Variants in JRKL observed in about 807,000 individuals in gnomAD.
The protein encoded by JRKL is jerky protein homolog-like.
A neutral mutation model predicts 34.7 loss-of-function variants in JRKL; 25 were observed. The observed-to-expected ratio is 0.72, with a 90% CI of 0.53 to 1.01. JRKL has a LOEUF of 1.01. Among genes scored for constraint, JRKL ranks in the 50% least tolerant of loss-of-function variants. The probability of loss-of-function intolerance (pLI) is 0.00; values close to 1 mark genes in which losing one functional copy is unlikely to be tolerated. For synonymous variants in JRKL, 204 were observed against 212.8 expected (o/e 0.96, Z 0.36); for missense variants, 495 against 615.7 (o/e 0.80, Z 2.07).
Position 96,392,241 on chromosome 11 carries a change from T to C in JRKL, c.*17T>C, listed in dbSNP as rs1244644338. The C allele has an allele frequency of 1.3e-6, 2 of 1,544,066 alleles. No individual in the cohort carries two copies. Among genetic ancestry groups the C allele is most frequent in the African/African-American group, 2.8e-5 (2 of 71,892 alleles). On this transcript the variant is annotated 3_prime_UTR_variant, in exon 2 of 2. Coordinates refer to ENST00000332349, the MANE Select transcript of JRKL (RefSeq NM_001261833.2). ...AGTCAATAATGTCATTTCAATTTTA[T>C]TGTTCTGCTCATTGTGTTTGTGACA...
Position 96,392,068 on chromosome 11 carries a change from G to A in JRKL, c.1419G>A (p.Glu473=), listed in dbSNP as rs753799377. Residue 473 remains glutamate (E), a synonymous_variant, in exon 2 of 2, where the codon GAG becomes GAA. Transcript: ENST00000332349. ...AGGAGGAAATAGAACTAATTCCAGA[G>A]AAACATATTAATCATGCAGCTGCCC... is the stretch of plus-strand genomic sequence containing the variant. The part of the protein sequence containing the change: ...NEEEEIELIP[E]KHINHAAALQ... 6.2e-6 allele frequency: 10 copies of A among 1,613,850 alleles called. No homozygotes were observed. The South Asian group carries it at 7.7e-5, about 12-fold the overall frequency.
chr11:96,391,990 C>T lies in JRKL; in HGVS notation c.1341C>T (p.Ser447=), dbSNP rs536090789. 2.0e-5 allele frequency: 33 copies of T among 1,613,832 alleles called. No homozygotes were observed. Among genetic ancestry groups the T allele is most frequent in the Middle Eastern group, 3.3e-4 (2 of 6,060 alleles). Residue 447 remains serine, a synonymous_variant, in exon 2 of 2, where the codon AGC becomes AGT. Transcript: ENST00000332349. ...CAGGCTATGAAGTGTTAACTGATAG[C>T]GAAATCATCAGAAGAGCACAAGGCC... ...TEPGYEVLTD[S]EIIRRAQGQA...
chr11:96,391,748 T>C lies in JRKL; in HGVS notation c.1099T>C (p.Tyr367His). ...GAAGCTAACTCTGTTGGATGCACTT[T>C]ATGAAATAGCAATGGCATGGAACTT... ...WKKLTLLDAL[Y>H]EIAMAWNLVK... The change falls in exon 2 of 2, where the codon TAT becomes CAT. Residue 367 changes from tyrosine (Y) to histidine (H), a missense_variant. Tyr to His is a moderately conservative substitution (Grantham distance 83). Coordinates refer to ENST00000332349, the MANE Select transcript of JRKL (RefSeq NM_001261833.2). 2.5e-6 allele frequency: 4 copies of C among 1,614,180 alleles called. No homozygotes were observed. Among genetic ancestry groups the C allele is most frequent in the East Asian group, 2.2e-5 (1 of 44,880 alleles).
chr11:96,392,214 C>G lies in JRKL; in HGVS notation c.1565C>G (p.Ser522Ter), dbSNP rs142973402. 8.3e-6 allele frequency: 13 copies of G among 1,574,736 alleles called. No homozygotes were observed. In the African/African-American group the frequency reaches 1.6e-4, roughly 20 times the overall value. Residue 522 changes from serine (S) to a stop codon, truncating the protein, a stop_gained, in exon 2 of 2, where the codon TCA becomes TGA. Coordinates refer to ENST00000332349, the MANE Select transcript of JRKL (RefSeq NM_001261833.2). LOFTEE classifies it high-confidence loss of function. ...AGAAATAAACAGAAGATGACAAAGTCAAGTCAATAATGTCATTTCAATTTT... is the reference window on the plus strand; with the variant it reads ...AGAAATAAACAGAAGATGACAAAGTGAAGTCAATAATGTCATTTCAATTTT... ...TIRNKQKMTK[S>*]SQ
Position 96,391,907 on chromosome 11 carries a change from T to C in JRKL, c.1258T>C (p.Leu420=), listed in dbSNP as rs370796976. The C allele has an allele frequency of 1.1e-5, 18 of 1,614,026 alleles. No individual in the cohort carries two copies. Among genetic ancestry groups the C allele is most frequent in the East Asian group, 2.2e-5 (1 of 44,892 alleles). The change falls in exon 2 of 2, where the codon TTG becomes CTG. Residue 420 remains leucine (L), a synonymous_variant. Transcript: ENST00000332349. ...TGCCATTTTACAACACACCAAAGGA[T>C]TGGAAAATGTGACTACTGAGAACCT... is the stretch of plus-strand genomic sequence containing the variant. The part of the protein sequence containing the change: ...VAAILQHTKG[L]ENVTTENLEK...
rs774528030 is a variant in JRKL, at chr11:96,391,727, C to T, written c.1078C>T (p.Leu360=). 6.8e-6 allele frequency: 11 copies of T among 1,614,032 alleles called. No homozygotes were observed. Among genetic ancestry groups the T allele is most frequent in the South Asian group, 1.1e-5 (1 of 91,088 alleles). ...GNDLKSFWKK[L]TLLDALYEIA... ...TGACCTGAAATCATTCTGGAAGAAG[C>T]TAACTCTGTTGGATGCACTTTATGA... is the stretch of plus-strand genomic sequence containing the variant. Residue 360 remains leucine, a synonymous_variant, in exon 2 of 2, where the codon CTA becomes TTA. Coordinates refer to ENST00000332349, the MANE Select transcript of JRKL (RefSeq NM_001261833.2).
Position 96,391,708 on chromosome 11 carries a change from G to A in JRKL, c.1059G>A (p.Leu353=). The A allele has an allele frequency of 1.9e-6, 3 of 1,614,166 alleles. No individual in the cohort carries two copies. The highest frequency in any genetic ancestry group is 1.1e-5 in the South Asian group (1 of 91,080). ...ACAACTTGGAAGAAGGTAATGACCT[G>A]AAATCATTCTGGAAGAAGCTAACTC... The part of the protein sequence containing the change: ...LQNNLEEGND[L]KSFWKKLTLL... Residue 353 remains leucine, a synonymous_variant, in exon 2 of 2, where the codon CTG becomes CTA. Coordinates refer to ENST00000332349, the MANE Select transcript of JRKL (RefSeq NM_001261833.2).
In JRKL at chr11:96,390,907, G is replaced by T; in HGVS notation, c.258G>T (p.Trp86Cys). 6.2e-7 allele frequency: 1 copy of T among 1,614,212 alleles called. No individual in the cohort carries two copies. The highest frequency in any genetic ancestry group is 8.5e-7 in the Non-Finnish European group (1 of 1,180,036). The change falls in exon 2 of 2, where the codon TGG becomes TGT. Residue 86 changes from tryptophan (W) to cysteine (C), a missense_variant. By Grantham distance (215) the Trp-to-Cys change is radical. Coordinates refer to ENST00000332349, the MANE Select transcript of JRKL (RefSeq NM_001261833.2). ...YEELDRAMLE[W>C]FNQQRAKGNP... ...AATTGGACAGGGCAATGCTGGAATG[G>T]TTCAACCAGCAAAGAGCAAAAGGGA...
Position 96,392,359 on chromosome 11 carries a change from T to C in JRKL, c.*135T>C, listed in dbSNP as rs1329778233. 14 of 1,299,978 alleles carry C rather than the reference T, an allele frequency of 1.1e-5. No individual in the cohort carries two copies. Among genetic ancestry groups the C allele is most frequent in the Non-Finnish European group, 1.4e-5 (14 of 974,376 alleles). 80.5% of individuals were successfully genotyped at this position (1,299,978 alleles called of 1,614,324 possible). ...GGCACAAAATGTATCTGAAGTGGTT[T>C]GAGGATTATGTGTTTTCATCATCTG... is the stretch of plus-strand genomic sequence containing the variant. On this transcript the variant is annotated 3_prime_UTR_variant, in exon 2 of 2. Transcript: ENST00000332349.
rs1170427327 is a variant in JRKL at position 96,391,521 on chromosome 11, T to C, written c.872T>C (p.Leu291Ser). ...TTGCAGGAAAAGGCTGTGCTCTTGTTGGATAATTCACCAACACATCCAAAT... is the reference window on the plus strand; with the variant it reads ...TTGCAGGAAAAGGCTGTGCTCTTGTCGGATAATTCACCAACACATCCAAAT... ...KGLQEKAVLL[L>S]DNSPTHPNEN... The change falls in exon 2 of 2, where the codon TTG becomes TCG. Residue 291 changes from leucine to serine, a missense_variant. Coordinates refer to ENST00000332349, the MANE Select transcript of JRKL (RefSeq NM_001261833.2). 1 of 1,554,248 alleles carries C rather than the reference T, an allele frequency of 6.4e-7. No homozygotes were observed. The highest frequency in any genetic ancestry group is 8.7e-7 in the Non-Finnish European group (1 of 1,148,064).
In JRKL at chr11:96,392,326, G is replaced by A. The variant is rs559110881; in HGVS notation, c.*102G>A. ...TCTGAATTCTCAGACTTGGTCCTGT[G>A]AAATACAGGCACAAAATGTATCTGA... On this transcript the variant is annotated 3_prime_UTR_variant, in exon 2 of 2. Transcript: ENST00000332349. 2.8e-6 allele frequency: 4 copies of A among 1,435,714 alleles called. No homozygotes were observed. In the East Asian group the frequency reaches 7.5e-5, roughly 27 times the overall value. The allele number at this position is 1,435,714 out of a possible 1,614,324, so 88.9% of individuals were successfully genotyped here.
rs1418924034 is a variant in JRKL at position 96,391,164 on chromosome 11, A to C, written c.515A>C (p.Gln172Pro). 1 of 1,582,070 alleles carries C rather than the reference A, an allele frequency of 6.3e-7. No individual in the cohort carries two copies. Among genetic ancestry groups the C allele is most frequent in the African/African-American group, 1.4e-5 (1 of 74,038 alleles). Residue 172 changes from glutamine (Q) to proline (P), a missense_variant, in exon 2 of 2, where the codon CAA becomes CCA. Transcript: ENST00000332349. ...FIERENLQPE[Q>P]IYNADETGLF... ...GAACGAGAGAATTTACAGCCTGAAC[A>C]AATCTACAATGCAGATGAAACTGGA...
chr11:96,391,367 A>C lies in JRKL; in HGVS notation c.718A>C (p.Thr240Pro). The C allele has an allele frequency of 6.4e-7, 1 of 1,551,660 alleles. No homozygotes were observed. Among genetic ancestry groups the C allele is most frequent in the Non-Finnish European group, 8.7e-7 (1 of 1,146,988 alleles). ...AAAGAAACCTCGCTCCTTTAAATCAACTGACACCTTAAACCTGCCAGTCTC... is the reference window on the plus strand; with the variant it reads ...AAAGAAACCTCGCTCCTTTAAATCACCTGACACCTTAAACCTGCCAGTCTC... ...KAKKPRSFKS[T>P]DTLNLPVSYF... Residue 240 changes from threonine to proline, a missense_variant, in exon 2 of 2, where the codon ACT becomes CCT. Transcript: ENST00000332349.
Sources: gnomAD v4.1 joint callset for allele counts on GRCh38, gnomAD v4.1.1 for gene constraint, MANE v1.5 for transcripts, NCBI Gene and HGNC (gene_info 2026-07-23, HGNC 2026-07-21) for gene names.